BCAS1: variants seen among roughly 807,000 people sequenced by gnomAD.
The protein encoded by BCAS1 is brain enriched myelin associated protein 1.
A neutral mutation model predicts 65.4 loss-of-function variants in BCAS1; 46 were observed. The observed-to-expected ratio is 0.70, with a 90% confidence interval of 0.55 to 0.90. BCAS1 has a LOEUF of 0.90. Among genes scored for constraint, BCAS1 ranks in the 40% least tolerant of loss-of-function variants. The pLI is 0.00. For missense variants in BCAS1, 793 were observed against 771.2 expected, an observed-to-expected ratio of 1.03 and a Z score of -0.33; for synonymous variants, 298 against 293.5, an observed-to-expected ratio of 1.02 and a Z score of -0.16.
intron 1 of BCAS1, among the ~76,000 whole-genome samples, chr20:54,060,215 A>G (rs888065092): frequency 5.9e-5 from 9 of 152,236 alleles, no homozygotes; most frequent in African/African-American, 1.9e-4. Context: ...GGACCCAATG[A>G]GTTAATGCTT....
At chr20:53,975,161 G>C (rs1232360444) in intron 9 of BCAS1, among the ~76,000 whole-genome samples, 1 of 152,146 alleles carries the variant, frequency 6.6e-6, no homozygotes, top group Non-Finnish European at 1.5e-5. Context: ...ATAAAAATTT[G>C]TGCCCTGATT....
chr20:53,982,583 G>A (rs1045932576), intron 8 of BCAS1, among the ~76,000 whole-genome samples: 2 of 152,054 alleles, frequency 1.3e-5, no homozygotes, highest in Admixed American at 6.6e-5. Flanking sequence ...AGAGAGGTTA[G>A]GTTAGTTATC....
At position 54,036,578 on chromosome 20, in the gene BCAS1, C is replaced by T. The variant is rs886707812; in HGVS notation, c.143-7606G>A. Among the ~76,000 whole-genome samples, 6 of 151,226 alleles carry T rather than the reference C, an allele frequency of 4.0e-5. 1 individual carries two copies. The highest frequency in any genetic ancestry group is 2.0e-4 in the Admixed American group (3 of 15,106). On this transcript the variant is annotated intron_variant, in intron 3 of 12. Coordinates refer to ENST00000688948, the MANE Select transcript of BCAS1 (RefSeq NM_001366298.2). ...ATGGATAACCCGGGTAAGTTATTTC[C>T]TGTCTCTGTGCCTCAGTTTTCTTAC...
chr20:54,028,953 G>C lies in BCAS1; in HGVS notation c.162C>G (p.Val54=). ...HLEEVDLGIS[V]KTDNVATSSP... ...AAGAAGTGGCCACATTATCCGTCTT[G>C]ACACTTATTCCCAAGTCGACTGTAA... The change falls in exon 4 of 13, where the codon GTC becomes GTG. Residue 54 remains valine, a synonymous_variant. Transcript: ENST00000688948. The C allele has an allele frequency of 6.2e-6, 10 of 1,610,524 alleles. No homozygotes were observed. Among genetic ancestry groups the C allele is most frequent in the Non-Finnish European group, 8.5e-6 (10 of 1,178,546 alleles).
rs768769213 is a variant in BCAS1, at chr20:53,967,011, T to C, written c.1380A>G (p.Thr460=). The change falls in exon 10 of 13, where the codon ACA becomes ACG. Residue 460 remains threonine (T), a synonymous_variant. Coordinates refer to ENST00000688948, the MANE Select transcript of BCAS1 (RefSeq NM_001366298.2). ...CAGCATCTCCTTCGTTGAGGTCCAC[T>C]GTTTGTAAGGCTGATTCTACTTCCT... ...KSKEVESALQ[T]VDLNEGDAAP... is the part of the protein sequence containing the mutation. 1 of 1,613,348 alleles carries C rather than the reference T, an allele frequency of 6.2e-7. No individual in the cohort carries two copies. The highest frequency in any genetic ancestry group is 1.1e-5 in the South Asian group (1 of 90,796).
In BCAS1 at chr20:54,048,560, T is replaced by G. The variant is rs551781155; in HGVS notation, c.142+9525A>C. Among the ~76,000 whole-genome samples, 4 of 152,264 alleles carry G rather than the reference T, an allele frequency of 2.6e-5. No homozygotes were observed. In the South Asian group the frequency reaches 8.3e-4, roughly 32 times the overall value. On this transcript the variant is annotated intron_variant, in intron 3 of 12. Coordinates refer to ENST00000688948, the MANE Select transcript of BCAS1 (RefSeq NM_001366298.2). Reference sequence around the variant, plus strand: ...TTTCCTCTCCTGCTTTTGGATCCCATGATGTAGAGATGTGATGTTTGGTTC... The same window carrying G: ...TTTCCTCTCCTGCTTTTGGATCCCAGGATGTAGAGATGTGATGTTTGGTTC...
intron 3 of BCAS1, among the ~76,000 whole-genome samples, chr20:54,042,417 T>C (rs2092016522): frequency 6.6e-6 from 1 of 152,134 alleles, no homozygotes; most frequent in Non-Finnish European, 1.5e-5. Context: ...TAAATAATCA[T>C]ATGTCCCTAC....
chr20:54,059,418 A>G (rs1171461228), intron 1 of BCAS1, among the ~76,000 whole-genome samples: 2 of 152,036 alleles, frequency 1.3e-5, no homozygotes, highest in Non-Finnish European at 2.9e-5. Flanking sequence ...AATGAGGGTA[A>G]TTGAAATAAT....
chr20:53,964,092 G>A (rs1449199941), intron 10 of BCAS1, among the ~76,000 whole-genome samples: 1 of 152,222 alleles, frequency 6.6e-6, no homozygotes, highest in Non-Finnish European at 1.5e-5. Context: ...TGTTGAAAAA[G>A]TGAATGCATG....
intron 7 of BCAS1, among the ~76,000 whole-genome samples, chr20:53,988,973 T>A (rs1344441432): frequency 6.6e-6 from 1 of 152,126 alleles, no homozygotes; most frequent in African/African-American, 2.4e-5. Flanking sequence ...GTGAGGGAAA[T>A]CTATACCACC....
intron 3 of BCAS1, among the ~76,000 whole-genome samples, chr20:54,052,529 A>G (rs1212848070): frequency 1.3e-5 from 2 of 152,218 alleles, no homozygotes; most frequent in African/African-American, 4.8e-5. Flanking sequence ...CCATGTGATC[A>G]TATTAAGAGG....
At chr20:54,002,335 A>G (rs1015132145) in intron 4 of BCAS1, among the ~76,000 whole-genome samples, 6 of 152,094 alleles carry the variant, frequency 3.9e-5, no homozygotes, top group Admixed American at 6.5e-5. Context: ...GAGAACACCT[A>G]TCCTTGTTGC....
At chr20:54,024,833 T>C (rs1267214219) in intron 4 of BCAS1, among the ~76,000 whole-genome samples, 1 of 152,136 alleles carries the variant, frequency 6.6e-6, no homozygotes, top group Admixed American at 6.5e-5. Context: ...GGTAGGGAAT[T>C]TGAAACATCA....
intron 10 of BCAS1, among the ~76,000 whole-genome samples, chr20:53,966,700 A>T (rs1012394057): frequency 6.6e-6 from 1 of 152,222 alleles, no homozygotes; most frequent in African/African-American, 2.4e-5. Context: ...AGAAGGGTTA[A>T]AGAATATTAG....
At chr20:53,957,973 C>T (rs972517163) in intron 10 of BCAS1, among the ~76,000 whole-genome samples, 2 of 151,846 alleles carry the variant, frequency 1.3e-5, no homozygotes, top group Admixed American at 1.3e-4. Context: ...CCAGCAACAC[C>T]AGTGACAGGG....
In BCAS1 at chr20:53,992,574, T is replaced by C. The variant is rs763945747; in HGVS notation, c.1000A>G (p.Lys334Glu). Reference sequence around the variant, plus strand: ...CTGGGGCTATCCAGGTGCTTTTTCTTGGTGCCTCTAGCCTGGATCTCGGAT... The same window carrying C: ...CTGGGGCTATCCAGGTGCTTTTTCTCGGTGCCTCTAGCCTGGATCTCGGAT... ...KTSEIQARGT[K>E]KKHLDSPRLG... Residue 334 changes from lysine to glutamate, a missense_variant, in exon 7 of 13, where the codon AAG becomes GAG. Coordinates refer to ENST00000688948, the MANE Select transcript of BCAS1 (RefSeq NM_001366298.2). 2.1e-5 allele frequency: 28 copies of C among 1,365,564 alleles called. No homozygotes were observed. The highest frequency in any genetic ancestry group is 4.2e-4 in the Middle Eastern group (2 of 4,790). The allele number at this position is 1,365,564 out of a possible 1,614,324, so 84.6% of individuals were successfully genotyped here. A position where few individuals can be genotyped will look rare whatever the true frequency, so the allele number is the denominator to read the frequency against.
chr20:54,058,082 G>C lies in BCAS1; in HGVS notation c.142+3C>G. 6.2e-7 allele frequency: 1 copy of C among 1,611,546 alleles called. No homozygotes were observed. The highest frequency in any genetic ancestry group is 8.5e-7 in the Non-Finnish European group (1 of 1,178,904). On this transcript the variant is annotated splice_donor_region_variant and intron_variant, in intron 3 of 12. Coordinates refer to ENST00000688948, the MANE Select transcript of BCAS1 (RefSeq NM_001366298.2). ...TAGATGCCCTTCCCAGAGTAGCACT[G>C]ACCTTCCTCTAAGTGCTGAACTGTG...
chr20:53,990,555 A>T (rs1196125706), intron 7 of BCAS1, among the ~76,000 whole-genome samples: 1 of 152,144 alleles, frequency 6.6e-6, no homozygotes, highest in African/African-American at 2.4e-5. Flanking sequence ...AATTTGCTTG[A>T]ATTTCTCGTT....
chr20:53,949,824 G>T (rs145488781), intron 12 of BCAS1, among the ~76,000 whole-genome samples: 12 of 152,324 alleles, frequency 7.9e-5, no homozygotes, highest in Admixed American at 1.3e-4. Context: ...CCAGCCTGAA[G>T]GGATGCTGCC....
Sources: allele counts gnomAD v4.1 joint callset (sites outside exome capture counted in the v4.1 genomes callset), GRCh38; gene constraint gnomAD v4.1.1; transcripts MANE v1.5; gene names NCBI Gene and HGNC (gene_info 2026-07-23, HGNC 2026-07-21).